The following EEF1AKMT1 variants were observed in gnomAD, a reference collection of about 807,000 sequenced individuals.
EEF1AKMT1 encodes N-6 adenine-specific DNA methyltransferase 2 (putative).
Under a neutral mutation model 21.0 loss-of-function variants are expected in EEF1AKMT1, and 18 were observed. The ratio of observed to expected loss-of-function variants is 0.86; its 90% CI spans 0.59 to 1.27. The LOEUF (loss-of-function observed/expected upper bound fraction) is 1.27, where lower values mean the gene tolerates loss of function less well. EEF1AKMT1 is among the 50% of genes most tolerant of loss of function. The pLI, the probability that EEF1AKMT1 is intolerant of heterozygous loss-of-function variation, is 0.00. For missense variants in EEF1AKMT1, 246 were observed against 258.6 expected (o/e 0.95, Z 0.33); for synonymous variants, 109 against 94.8 (o/e 1.15, Z -0.87).
chr13:20,740,098 C>T (rs753106672), intron 2 of EEF1AKMT1, among the ~76,000 whole-genome samples: 13 of 152,242 alleles, frequency 8.5e-5, no homozygotes, highest in Non-Finnish European at 1.6e-4. Context: ...TGAGGGCCGG[C>T]GAGAATTCAA....
intron 1 of EEF1AKMT1, among the ~76,000 whole-genome samples, chr13:20,758,837 A>G (rs944468797): frequency 6.6e-6 from 1 of 152,220 alleles, no homozygotes; most frequent in Middle Eastern, 3.2e-3. Flanking sequence ...TAATCAATGG[A>G]ATACAATAGA....
At chr13:20,759,524 A>G (rs551172224) in intron 1 of EEF1AKMT1, among the ~76,000 whole-genome samples, 49 of 151,256 alleles carry the variant, frequency 3.2e-4, no homozygotes, top group Admixed American at 1.2e-3. Flanking sequence ...AGCTTGCAGT[A>G]AGCCGAGATG....
chr13:20,759,307 C>A (rs1389423719), intron 1 of EEF1AKMT1, among the ~76,000 whole-genome samples: 2 of 152,196 alleles, frequency 1.3e-5, no homozygotes, highest in African/African-American at 4.8e-5. Context: ...CGGCCGGGCG[C>A]CGTGGCTCAC....
Position 20,744,305 on chromosome 13 carries a change from T to G in EEF1AKMT1, c.145-6500A>C, listed in dbSNP as rs373866228. 2.8e-3 allele frequency among the ~76,000 whole-genome samples: 433 copies of G among 152,330 alleles called. 4 individuals are homozygous for G. In the South Asian group the frequency reaches 0.033, roughly 12 times the overall value. ...AACTAATTTACACTCCCACCAACAGTGTAAAAGCATTCCTATTTCTCCACA... is the reference window on the plus strand; with the variant it reads ...AACTAATTTACACTCCCACCAACAGGGTAAAAGCATTCCTATTTCTCCACA... On this transcript the variant is annotated intron_variant, in intron 2 of 4. Coordinates refer to ENST00000382758, the MANE Select transcript of EEF1AKMT1 (RefSeq NM_001318939.2).
At chr13:20,742,497 G>A (rs2058877284) in intron 2 of EEF1AKMT1, among the ~76,000 whole-genome samples, 1 of 152,138 alleles carries the variant, frequency 6.6e-6, no homozygotes, top group East Asian at 1.9e-4. Context: ...ATAAAAATAT[G>A]ACCATTCTGT....
At chr13:20,769,926 CAT>C (rs149918903) in intron 1 of EEF1AKMT1, among the ~76,000 whole-genome samples, 1 of 152,012 alleles carries the variant, frequency 6.6e-6, no homozygotes, top group Non-Finnish European at 1.5e-5. Flanking sequence ...AGGAAAATGA[CAT>C]ATGAACAAAA....
intron 1 of EEF1AKMT1, among the ~76,000 whole-genome samples, chr13:20,758,304 C>T (rs2058981530): frequency 6.6e-6 from 1 of 152,196 alleles, no homozygotes; most frequent in African/African-American, 2.4e-5. Flanking sequence ...AAGATAATAA[C>T]TTAACTCTTT....
chr13:20,762,591 G>A (rs1170127124), intron 1 of EEF1AKMT1, among the ~76,000 whole-genome samples: 2 of 152,030 alleles, frequency 1.3e-5, no homozygotes, highest in African/African-American at 4.8e-5. Context: ...TAAATATGAT[G>A]CAGCCACAAC....
intron 2 of EEF1AKMT1, among the ~76,000 whole-genome samples, chr13:20,746,309 C>T (rs2058904042): frequency 1.3e-5 from 2 of 152,124 alleles, no homozygotes; most frequent in South Asian, 4.1e-4. Context: ...CATGCCACCA[C>T]ACCTGGCTAT....
chr13:20,740,083 A>G (rs2772168), intron 2 of EEF1AKMT1, among the ~76,000 whole-genome samples: 68,764 of 152,164 alleles, frequency 0.45, 17,327 homozygotes, highest in East Asian at 0.76. Flanking sequence ...CTGCGGGGAG[A>G]CAGCTGAGGG....
rs57079280 is a variant in EEF1AKMT1 at position 20,740,231 on chromosome 13, C to T, written c.145-2426G>A. The stretch of plus-strand genomic sequence containing the variant: ...CCAGCCGGCTGCTCCGAGTGCGGGG[C>T]CTGCCAAGCCCGCACCCACCTGGAA... On this transcript the variant is annotated intron_variant, in intron 2 of 4. Coordinates refer to ENST00000382758, the MANE Select transcript of EEF1AKMT1 (RefSeq NM_001318939.2). 5.1e-4 allele frequency among the ~76,000 whole-genome samples: 78 copies of T among 152,320 alleles called. 1 individual carries two copies. The East Asian group carries it at 0.014, about 28-fold the overall frequency.
chr13:20,761,997 G>A (rs2059003549), intron 1 of EEF1AKMT1, among the ~76,000 whole-genome samples: 1 of 152,104 alleles, frequency 6.6e-6, no homozygotes, highest in Non-Finnish European at 1.5e-5. Context: ...CTACATGGGA[G>A]GCTGTGGTGG....
intron 2 of EEF1AKMT1, among the ~76,000 whole-genome samples, chr13:20,748,726 G>GTTTTTTTTTTTT (rs750094631): frequency 1.7e-4 from 12 of 72,620 alleles, no homozygotes; most frequent in Admixed American, 2.3e-4. Flanking sequence ...TTTTTTTTTG[G>GTTTTTTTTTTTT]TTTTTTTTTT....
chr13:20,760,827 A>G (rs928639901), intron 1 of EEF1AKMT1, among the ~76,000 whole-genome samples: 1 of 152,246 alleles, frequency 6.6e-6, no homozygotes, highest in Non-Finnish European at 1.5e-5. Flanking sequence ...TTAGATAACA[A>G]TTTAAATTGG....
rs546564229 is a variant in EEF1AKMT1 at position 20,732,477 on chromosome 13, C to A, written c.228-356G>T. Reference sequence around the variant, plus strand: ...TCCCAAGTAGCTGGGATTACAGGCACGCGCCACTGCGCCTGGCTAATTTTT... The same window carrying A: ...TCCCAAGTAGCTGGGATTACAGGCAAGCGCCACTGCGCCTGGCTAATTTTT... On this transcript the variant is annotated intron_variant, in intron 3 of 4. Coordinates refer to ENST00000382758, the MANE Select transcript of EEF1AKMT1 (RefSeq NM_001318939.2). Among the ~76,000 whole-genome samples, 636 of 152,064 alleles carry A rather than the reference C, an allele frequency of 4.2e-3. 6 individuals are homozygous for A. Among genetic ancestry groups the A allele is most frequent in the Non-Finnish European group, 2.7e-3 (184 of 68,004 alleles).
intron 3 of EEF1AKMT1, among the ~76,000 whole-genome samples, chr13:20,733,284 C>T (rs376610697): frequency 7.9e-5 from 12 of 152,122 alleles, no homozygotes; most frequent in Admixed American, 4.6e-4. Flanking sequence ...TTAGCAGAGA[C>T]GGGGTTTCAC....
At chr13:20,738,659 A>T (rs554739246) in intron 2 of EEF1AKMT1, among the ~76,000 whole-genome samples, 1 of 152,356 alleles carries the variant, frequency 6.6e-6, no homozygotes, top group Admixed American at 6.5e-5. Flanking sequence ...CATAAAAAGG[A>T]ACAGGGTACT....
At chr13:20,769,290 G>A (rs2059051848) in intron 1 of EEF1AKMT1, 2 of 152,188 alleles carry the variant, frequency 1.3e-5, no homozygotes, top group South Asian at 4.1e-4. Flanking sequence ...AAACTTACAG[G>A]AACCACCTGT....
At chr13:20,763,588 G>A (rs1372946290) in intron 1 of EEF1AKMT1, among the ~76,000 whole-genome samples, 1 of 152,030 alleles carries the variant, frequency 6.6e-6, no homozygotes, top group Non-Finnish European at 1.5e-5. Flanking sequence ...AAATAGCTGG[G>A]ATTACAGGTG....
Sources: gnomAD v4.1 joint callset for allele counts (sites outside exome capture counted in the v4.1 genomes callset) on GRCh38, gnomAD v4.1.1 for gene constraint, MANE v1.5 for transcripts, NCBI Gene and HGNC (gene_info 2026-07-23, HGNC 2026-07-21) for gene names.